Variants in CDC42BPB observed in about 807,000 individuals in gnomAD.
CDC42BPB encodes CDC42 binding protein kinase beta, also known as serine/threonine-protein kinase MRCK beta.
CDC42BPB carries 37 observed loss-of-function variants against 214.9 expected under a neutral mutation model. The ratio of observed to expected loss-of-function variants is 0.17; its 90% confidence interval spans 0.13 to 0.23. The LOEUF (loss-of-function observed/expected upper bound fraction) is 0.23. Ranked by LOEUF, CDC42BPB falls within the 10% of genes least tolerant of loss-of-function variation. The pLI is 1.00. For synonymous variants in CDC42BPB, 931 were observed against 884.0 expected (o/e 1.05, Z -0.94); for missense variants, 1,694 against 2,227.0 (o/e 0.76, Z 4.82).
intron 14 of CDC42BPB, chr14:102,969,010 G>T: frequency 1.9e-6 from 1 of 539,082 alleles, no homozygotes; most frequent in Non-Finnish European, 2.4e-6. Context: ...ACTCTGTGCT[G>T]GGCCCCCTCC....
At chr14:102,961,533 C>A (rs545366895) in intron 20 of CDC42BPB, among the ~76,000 whole-genome samples, 36 of 151,124 alleles carry the variant, frequency 2.4e-4, no homozygotes, top group African/African-American at 8.3e-4. Flanking sequence ...TGGCAAAACC[C>A]CCCCCACTTT....
chr14:102,981,229 T>C (rs1674275021), intron 7 of CDC42BPB: 13 of 967,016 alleles, frequency 1.3e-5, no homozygotes, highest in Non-Finnish European at 1.5e-5. Context: ...CATTGTAGAC[T>C]TGTGACCACA....
intron 1 of CDC42BPB, among the ~76,000 whole-genome samples, chr14:103,051,524 T>C (rs968014126): frequency 6.6e-6 from 1 of 152,120 alleles, no homozygotes; most frequent in Non-Finnish European, 1.5e-5. Flanking sequence ...CCTGTGTGCC[T>C]GCCTGTTTAT....
intron 5 of CDC42BPB, among the ~76,000 whole-genome samples, chr14:102,997,371 A>ACCC (rs1181897240): frequency 1.3e-5 from 2 of 150,952 alleles, no homozygotes; most frequent in South Asian, 2.1e-4. Flanking sequence ...TCTCTCATAT[A>ACCC]CCCCCCTTCC....
chr14:103,047,211 G>A (rs1456368818), intron 1 of CDC42BPB, among the ~76,000 whole-genome samples: 2 of 149,810 alleles, frequency 1.3e-5, no homozygotes, highest in Admixed American at 6.6e-5. Flanking sequence ...TTGAACCTGG[G>A]AGGCGGAGGT....
chr14:103,053,752 A>G lies in CDC42BPB; in HGVS notation c.175+3247T>C, dbSNP rs541748016. ...ACTCCAGCCTGGGCGACAGAGTGAG[A>G]CTCCGTCTCAAAAAAAAAAAAAAAA... is the stretch of plus-strand genomic sequence containing the variant. On this transcript the variant is annotated intron_variant, in intron 1 of 36. Transcript: ENST00000361246. Among the ~76,000 whole-genome samples the G allele has an allele frequency of 8.1e-3, 1,182 of 145,878 alleles. 20 individuals carry two copies. The highest frequency in any genetic ancestry group is 0.012 in the Non-Finnish European group (787 of 66,380).
At chr14:102,996,909 C>T (rs972831845) in intron 5 of CDC42BPB, among the ~76,000 whole-genome samples, 22 of 152,050 alleles carry the variant, frequency 1.4e-4, no homozygotes, top group Admixed American at 2.6e-4. Flanking sequence ...AAAGCAATGT[C>T]CACAACCTCA....
At chr14:102,959,501 A>G in intron 21 of CDC42BPB, 130 bp downstream of exon 21, 1 of 656,864 alleles carries the variant, frequency 1.5e-6, no homozygotes, top group East Asian at 2.8e-5. Context: ...AGTTAGCACA[A>G]CGCTGAGATA....
intron 30 of CDC42BPB, chr14:102,940,556 T>C (rs906006592): frequency 6.9e-6 from 8 of 1,167,484 alleles, no homozygotes; most frequent in Non-Finnish European, 9.3e-6. Context: ...CCGTAACTAA[T>C]ATTTTGAATA....
intron 1 of CDC42BPB, among the ~76,000 whole-genome samples, chr14:103,016,090 G>A (rs1886443483): frequency 1.3e-5 from 2 of 152,186 alleles, no homozygotes. Flanking sequence ...CCTGAGGATG[G>A]GGTGCTGCTG....
intron 1 of CDC42BPB, among the ~76,000 whole-genome samples, chr14:103,018,326 T>A (rs751783055): frequency 6.6e-6 from 1 of 152,198 alleles, no homozygotes; most frequent in Non-Finnish European, 1.5e-5. Flanking sequence ...GTTCTTCTGT[T>A]ATTTGCAACT....
intron 1 of CDC42BPB, among the ~76,000 whole-genome samples, chr14:103,047,251 T>C (rs1888340301): frequency 7.6e-6 from 1 of 131,756 alleles, no homozygotes; most frequent in African/African-American, 3.0e-5. Flanking sequence ...GCCACTGCAC[T>C]CCAGCCAGGG....
At position 102,978,221 on chromosome 14, in the gene CDC42BPB, T is replaced by G; in HGVS notation, c.1141-16A>C. 6.2e-7 allele frequency: 1 copy of G among 1,609,266 alleles called. No homozygotes were observed. The highest frequency in any genetic ancestry group is 8.5e-7 in the Non-Finnish European group (1 of 1,175,788). Reference sequence around the variant, plus strand: ...GTAATATTTCCTGCATAAGAACATATACAACACAAATGAAATCTACATTCA... The same window carrying G: ...GTAATATTTCCTGCATAAGAACATAGACAACACAAATGAAATCTACATTCA... On this transcript the variant is annotated splice_polypyrimidine_tract_variant and intron_variant, in intron 8 of 36. Transcript: ENST00000361246.
chr14:103,005,535 C>A (rs1454825145), intron 3 of CDC42BPB, among the ~76,000 whole-genome samples: 2 of 151,756 alleles, frequency 1.3e-5, no homozygotes, highest in African/African-American at 2.4e-5. Context: ...TAGTGAGACT[C>A]CGTCTCTACA....
intron 36 of CDC42BPB, chr14:102,936,805 G>A (rs1428259742): frequency 2.0e-5 from 3 of 152,204 alleles, no homozygotes; most frequent in Non-Finnish European, 4.4e-5. Context: ...AAATGTTTCT[G>A]AATGAGAAAG....
In CDC42BPB at chr14:102,968,052, G is replaced by A. The variant is rs538420634; in HGVS notation, c.2346+201C>T. Among the ~76,000 whole-genome samples, 24 of 151,336 alleles carry A rather than the reference G, an allele frequency of 1.6e-4. No individual in the cohort carries two copies. In the South Asian group the frequency reaches 2.5e-3, roughly 16 times the overall value. ...AGAGGTTGCAGTGAGCCAAGATCGC[G>A]TCACTGCACTCCAGCCTGAGCGACA... On this transcript the variant is annotated intron_variant, in intron 16 of 36. Coordinates refer to ENST00000361246, the MANE Select transcript of CDC42BPB (RefSeq NM_006035.4).
intron 18 of CDC42BPB, among the ~76,000 whole-genome samples, chr14:102,966,081 T>C (rs1373323885): frequency 6.6e-6 from 1 of 152,210 alleles, no homozygotes; most frequent in Admixed American, 6.5e-5. Flanking sequence ...AATTATTTGC[T>C]AAACGAATGA....
Position 102,974,035 on chromosome 14 carries a change from T to C in CDC42BPB, c.1622A>G (p.Glu541Gly). 6.2e-7 allele frequency: 1 copy of C among 1,610,830 alleles called. No homozygotes were observed. Among genetic ancestry groups the C allele is most frequent in the Non-Finnish European group, 8.5e-7 (1 of 1,178,802 alleles). Residue 541 changes from glutamate (E) to glycine (G), a missense_variant, in exon 12 of 37, where the codon GAG (glutamate) becomes GGG (glycine). Physicochemically the swap from Glu to Gly is moderately conservative, Grantham distance 98. This residue lies in a region of CDC42BPB where 462 missense variants were observed against 513.5 expected (regional missense o/e 0.90). Transcript: ENST00000361246. ...ACCTACCTTGTGCAGCTCCTCCTTC[T>C]CCTGCCGGACCACGCGGTGCTGCTT... ...LEKQHRVVRQ[E>G]KEELHKQLVE... is the part of the protein sequence containing the mutation.
chr14:102,974,470 C>G (rs1893645724), intron 11 of CDC42BPB, among the ~76,000 whole-genome samples: 2 of 152,206 alleles, frequency 1.3e-5, no homozygotes, highest in East Asian at 3.9e-4. Flanking sequence ...TCACCCAGCA[C>G]AGTGCCTGGC....
Sources: allele counts gnomAD v4.1 joint callset (sites outside exome capture counted in the v4.1 genomes callset), GRCh38; gene constraint gnomAD v4.1.1; regional missense constraint gnomAD v4.1.1; transcripts MANE v1.5; gene names NCBI Gene and HGNC (gene_info 2026-07-23, HGNC 2026-07-21).